Variants in SPRED1 observed in about 807,000 individuals in gnomAD.
The protein encoded by SPRED1 is sprouty-related, EVH1 domain-containing protein 1.
A neutral mutation model predicts 52.3 loss-of-function variants in SPRED1; 18 were observed. That is an observed-to-expected ratio of 0.34 (90% CI 0.24 to 0.51). The LOEUF (loss-of-function observed/expected upper bound fraction) is 0.51. Among genes scored for constraint, SPRED1 ranks in the 20% least tolerant of loss-of-function variants. The probability of loss-of-function intolerance (pLI) is 0.97; values close to 1 mark genes in which losing one functional copy is unlikely to be tolerated. For synonymous variants in SPRED1, 155 were observed against 179.7 expected (o/e 0.86, Z 1.10); for missense variants, 485 against 551.0 (o/e 0.88, Z 1.20).
At chr15:38,319,728 G>C (rs1376295582) in intron 2 of SPRED1, among the ~76,000 whole-genome samples, 1 of 152,222 alleles carries the variant, frequency 6.6e-6, no homozygotes, top group Non-Finnish European at 1.5e-5. Context: ...GGAAGCAAAA[G>C]TCTTGAGAGA....
rs1888596319 is a variant in SPRED1 at position 38,355,397 on chromosome 15, T to C, written c.*3733T>C. The C allele has an allele frequency of 6.6e-6, 1 of 152,248 alleles. No individual in the cohort carries two copies. The highest frequency in any genetic ancestry group is 2.1e-4 in the South Asian group (1 of 4,836). The allele number at this position is 152,248 out of a possible 1,614,324, so 9.4% of individuals were successfully genotyped here. Reference sequence around the variant, plus strand: ...TAAATGCACTTTCAATTCATGTGTATAGTGCCATCTGATATCTTGGGTAAG... The same window carrying C: ...TAAATGCACTTTCAATTCATGTGTACAGTGCCATCTGATATCTTGGGTAAG... On this transcript the variant is annotated 3_prime_UTR_variant, in exon 7 of 7. Coordinates refer to ENST00000299084, the MANE Select transcript of SPRED1 (RefSeq NM_152594.3).
intron 5 of SPRED1, among the ~76,000 whole-genome samples, chr15:38,341,914 T>C (rs1288659815): frequency 1.3e-5 from 2 of 152,044 alleles, no homozygotes; most frequent in Admixed American, 6.6e-5. Flanking sequence ...AAATACTTTT[T>C]TGATATCTGA....
In SPRED1 at chr15:38,285,678, G is replaced by A. The variant is rs111458974; in HGVS notation, c.33-13695G>A. 1.1e-4 allele frequency among the ~76,000 whole-genome samples: 16 copies of A among 152,254 alleles called. No homozygotes were observed. The South Asian group carries it at 2.9e-3, about 28-fold the overall frequency. ...TTTAGAGTTTGGACTCTTTCCGTGC[G>A]TGAAATATGTGGCTCTTGGAGGTTT... On this transcript the variant is annotated intron_variant, in intron 1 of 6. Coordinates refer to ENST00000299084, the MANE Select transcript of SPRED1 (RefSeq NM_152594.3).
intron 1 of SPRED1, among the ~76,000 whole-genome samples, chr15:38,278,832 T>TTTTTTG (rs1894621405): frequency 6.8e-6 from 1 of 148,076 alleles, no homozygotes. Flanking sequence ...TACACTGTTT[T>TTTTTTG]TTTTTTTTTT....
At chr15:38,347,590 G>C (rs536724565) in intron 5 of SPRED1, among the ~76,000 whole-genome samples, 64 of 150,536 alleles carry the variant, frequency 4.3e-4, no homozygotes, top group African/African-American at 1.6e-3. Context: ...GTGTGTGTTA[G>C]TTTAGGGGAT....
intron 1 of SPRED1, among the ~76,000 whole-genome samples, chr15:38,254,040 C>G (rs1028157708): frequency 3.3e-5 from 5 of 152,084 alleles, no homozygotes; most frequent in Admixed American, 3.3e-4. Context: ...CGAAATACTT[C>G]GTCTTTTAAA....
chr15:38,278,005 T>C (rs1894596460), intron 1 of SPRED1, among the ~76,000 whole-genome samples: 1 of 41,370 alleles, frequency 2.4e-5, no homozygotes, highest in Non-Finnish European at 8.1e-5. Context: ...TAAGGATGTA[T>C]TAATGGCAAG....
chr15:38,312,229 GTTA>G (rs1895383685), intron 2 of SPRED1, among the ~76,000 whole-genome samples: 1 of 152,080 alleles, frequency 6.6e-6, no homozygotes, highest in South Asian at 2.1e-4. Flanking sequence ...GTTCGTAACT[GTTA>G]AAGTCTTAGA....
chr15:38,297,316 T>A (rs1027716842), intron 1 of SPRED1, among the ~76,000 whole-genome samples: 3 of 152,228 alleles, frequency 2.0e-5, no homozygotes, highest in Non-Finnish European at 4.4e-5. Context: ...TCTTACAAGA[T>A]TCTCTTAATT....
chr15:38,264,964 A>G (rs897740322), intron 1 of SPRED1, among the ~76,000 whole-genome samples: 2 of 152,244 alleles, frequency 1.3e-5, no homozygotes, highest in African/African-American at 4.8e-5. Context: ...TTACGTTTTT[A>G]TGAGAGGCAA....
intron 4 of SPRED1, among the ~76,000 whole-genome samples, 168 bp downstream of exon 4, chr15:38,324,977 T>C (rs1358260042): frequency 6.6e-6 from 1 of 152,186 alleles, no homozygotes; most frequent in Non-Finnish European, 1.5e-5. Context: ...CATCTGAAAA[T>C]TTAAAATCTG....
chr15:38,282,692 A>C (rs762273897), intron 1 of SPRED1, among the ~76,000 whole-genome samples: 22 of 152,146 alleles, frequency 1.4e-4, no homozygotes, highest in Non-Finnish European at 2.2e-4. Flanking sequence ...CCATTTCCTA[A>C]TAGCGATGGG....
At chr15:38,265,031 T>C (rs1187620064) in intron 1 of SPRED1, among the ~76,000 whole-genome samples, 1 of 152,236 alleles carries the variant, frequency 6.6e-6, no homozygotes, top group East Asian at 1.9e-4. Flanking sequence ...TTGTCATTTA[T>C]GGGATTTTGT....
chr15:38,324,847 G>T (rs755992043), intron 4 of SPRED1, 38 bp downstream of exon 4: 1 of 1,537,584 alleles, frequency 6.5e-7, no homozygotes, highest in South Asian at 1.1e-5. Context: ...AAACATAAAG[G>T]ATGTGGAAGA....
chr15:38,265,621 G>T (rs1005836904), intron 1 of SPRED1, among the ~76,000 whole-genome samples: 12 of 148,982 alleles, frequency 8.1e-5, no homozygotes, highest in African/African-American at 3.0e-4. Flanking sequence ...GCTCTAAGTA[G>T]TTTTTTTTTT....
At chr15:38,269,856 G>GTGT (rs966564645) in intron 1 of SPRED1, among the ~76,000 whole-genome samples, 1 of 151,074 alleles carries the variant, frequency 6.6e-6, no homozygotes, top group Non-Finnish European at 1.5e-5. Context: ...CAAGTGGCCA[G>GTGT]TGTTGACTGC....
intron 2 of SPRED1, among the ~76,000 whole-genome samples, chr15:38,303,966 A>G (rs1895199405): frequency 6.6e-6 from 1 of 152,186 alleles, no homozygotes. Flanking sequence ...TGTTTTTATG[A>G]TTAATAAGTA....
rs200142785 is a variant in SPRED1, at chr15:38,339,878, C to A, written c.565C>A (p.Gln189Lys). 1 of 1,613,830 alleles carries A rather than the reference C, an allele frequency of 6.2e-7. No individual in the cohort carries two copies. Among genetic ancestry groups the A allele is most frequent in the Non-Finnish European group, 8.5e-7 (1 of 1,179,896 alleles). ...EDLNARRVYMQSQANQITFGQ... is the reference protein window; with the variant it reads ...EDLNARRVYMKSQANQITFGQ... ...TCTGAATGCCAGAAGAGTCTACATGCAAAGCCAAGCCAATCAGGTAAGAAG... is the reference window on the plus strand; with the variant it reads ...TCTGAATGCCAGAAGAGTCTACATGAAAAGCCAAGCCAATCAGGTAAGAAG... Residue 189 changes from glutamine (Q) to lysine (K), a missense_variant, in exon 5 of 7, where the codon CAA (glutamine) becomes AAA (lysine). Coordinates refer to ENST00000299084, the MANE Select transcript of SPRED1 (RefSeq NM_152594.3).
chr15:38,316,748 G>GGTTTTTTTTTTTTTTTTT lies in SPRED1; in HGVS notation c.208-5493_208-5492insGTTTTTTTTTTTTTTTTT. ...TCTAGTTTACAATTTTCCATTATAT[G>GGTTTTTTTTTTTTTTTTT]TTTTTTTTTTTTTTTTTTTTTTTTG... On this transcript the variant is annotated intron_variant, in intron 2 of 6. Transcript: ENST00000299084. Among the ~76,000 whole-genome samples, 20 of 41,916 alleles carry GGTTTTTTTTTTTTTTTTT rather than the reference G, an allele frequency of 4.8e-4. 2 individuals are homozygous for GGTTTTTTTTTTTTTTTTT. Among genetic ancestry groups the GGTTTTTTTTTTTTTTTTT allele is most frequent in the East Asian group, 1.5e-3 (1 of 654 alleles). 27.5% of individuals were successfully genotyped at this position (41,916 alleles called of 152,430 possible).
Sources: allele counts gnomAD v4.1 joint callset (sites outside exome capture counted in the v4.1 genomes callset), GRCh38; gene constraint gnomAD v4.1.1; transcripts MANE v1.5; gene names NCBI Gene and HGNC (gene_info 2026-07-23, HGNC 2026-07-21).